The following PAPPA2 variants were observed in gnomAD, a reference collection of about 807,000 sequenced individuals.
PAPPA2 encodes pappalysin-2.
In PAPPA2, 86 loss-of-function variants were observed where a neutral mutation model predicts 176.4. The ratio of observed to expected loss-of-function variants is 0.49; its 90% CI spans 0.41 to 0.58. The LOEUF (loss-of-function observed/expected upper bound fraction) is 0.58. Ranked by LOEUF, PAPPA2 falls within the 20% of genes least tolerant of loss-of-function variation. The pLI is 0.00. For missense variants in PAPPA2, 2,073 were observed against 2,256.9 expected (o/e 0.92, Z 1.65); for synonymous variants, 809 against 852.2 (o/e 0.95, Z 0.88).
intron 3 of PAPPA2, among the ~76,000 whole-genome samples, chr1:176,604,433 A>C (rs1180271078): frequency 6.6e-6 from 1 of 152,268 alleles, no homozygotes; most frequent in Non-Finnish European, 1.5e-5. Context: ...TGTTAAAAAA[A>C]GGAATGTTCT....
intron 2 of PAPPA2, among the ~76,000 whole-genome samples, chr1:176,579,928 A>G (rs1337091465): frequency 1.3e-5 from 2 of 152,344 alleles, no homozygotes; most frequent in East Asian, 3.9e-4. Context: ...TAATAATTGT[A>G]TATATTTATG....
At chr1:176,516,572 G>T (rs1326542553) in intron 1 of PAPPA2, among the ~76,000 whole-genome samples, 3 of 152,048 alleles carry the variant, frequency 2.0e-5, no homozygotes, top group Non-Finnish European at 4.4e-5. Context: ...TGATATCAGT[G>T]CCCTTATAAA....
intron 2 of PAPPA2, among the ~76,000 whole-genome samples, chr1:176,592,791 A>G (rs1653742609): frequency 6.6e-6 from 1 of 152,222 alleles, no homozygotes; most frequent in African/African-American, 2.4e-5. Flanking sequence ...CTGATATTCA[A>G]TATTGCAGCC....
At chr1:176,679,753 T>C (rs1161433327) in intron 4 of PAPPA2, among the ~76,000 whole-genome samples, 2 of 151,996 alleles carry the variant, frequency 1.3e-5, no homozygotes, top group Non-Finnish European at 2.9e-5. Flanking sequence ...GTGGGAAAGG[T>C]ATTGAGCAAA....
chr1:176,778,424 G>A (rs1179595523), intron 17 of PAPPA2, among the ~76,000 whole-genome samples: 3 of 152,158 alleles, frequency 2.0e-5, no homozygotes, highest in East Asian at 1.9e-4. Flanking sequence ...ATGTCCTGGA[G>A]ACATTACCCA....
At chr1:176,685,164 C>T (rs745402817) in intron 4 of PAPPA2, among the ~76,000 whole-genome samples, 2 of 151,942 alleles carry the variant, frequency 1.3e-5, no homozygotes, top group African/African-American at 2.4e-5. Context: ...TGCCAGACTG[C>T]ACATAGAATA....
At chr1:176,520,143 G>T (rs1481882817) in intron 1 of PAPPA2, among the ~76,000 whole-genome samples, 4 of 152,178 alleles carry the variant, frequency 2.6e-5, no homozygotes, top group Non-Finnish European at 5.9e-5. Context: ...AAGGAACAAA[G>T]TGGGAATAAG....
At chr1:176,744,283 T>C (rs2102878991) in intron 14 of PAPPA2, among the ~76,000 whole-genome samples, 1 of 152,316 alleles carries the variant, frequency 6.6e-6, no homozygotes, top group East Asian at 1.9e-4. Context: ...TTGTTTGTAT[T>C]TGTTTGATAA....
chr1:176,757,760 A>G (rs1663497076), intron 14 of PAPPA2, among the ~76,000 whole-genome samples: 1 of 152,106 alleles, frequency 6.6e-6, no homozygotes, highest in South Asian at 2.1e-4. Flanking sequence ...TTGGTGTTTT[A>G]GTCATGAAGT....
intron 1 of PAPPA2, among the ~76,000 whole-genome samples, chr1:176,464,959 T>A (rs914669194): frequency 6.6e-6 from 1 of 152,210 alleles, no homozygotes; most frequent in Non-Finnish European, 1.5e-5. Context: ...TCACTTTGAA[T>A]TATTCATATT....
At position 176,760,450 on chromosome 1, in the gene PAPPA2, A is replaced by T. The variant is rs529886373; in HGVS notation, c.4152-5216A>T. On this transcript the variant is annotated intron_variant, in intron 14 of 22. Transcript: ENST00000367662. ...ATGGGGTGGAGCTTTACTCCTAGTG[A>T]GTATCAACACTTTGAAACTTATAAA... is the stretch of plus-strand genomic sequence containing the variant. 2.6e-5 allele frequency among the ~76,000 whole-genome samples: 4 copies of T among 152,304 alleles called. No homozygotes were observed. The East Asian group carries it at 7.7e-4, about 29-fold the overall frequency.
chr1:176,830,782 T>C (rs182597509), intron 21 of PAPPA2, among the ~76,000 whole-genome samples: 1 of 152,282 alleles, frequency 6.6e-6, no homozygotes, highest in Admixed American at 6.5e-5. Context: ...CATTATTAAT[T>C]CTTGTAGGAG....
In PAPPA2 at chr1:176,517,799, C is replaced by G. The variant is rs1390093108; in HGVS notation, c.-916-37608C>G. 2.6e-5 allele frequency among the ~76,000 whole-genome samples: 4 copies of G among 152,138 alleles called. No individual in the cohort carries two copies. In the East Asian group the frequency reaches 7.7e-4, roughly 29 times the overall value. On this transcript the variant is annotated intron_variant, in intron 1 of 22. Coordinates refer to ENST00000367662, the MANE Select transcript of PAPPA2 (RefSeq NM_020318.3). ...TCACATGAAGACAGCATTTAAAGGT[C>G]GAAGGGTGACTGGCCACCTTCGACA...
chr1:176,795,984 GA>G (rs1231206328), intron 20 of PAPPA2, among the ~76,000 whole-genome samples: 1 of 152,154 alleles, frequency 6.6e-6, no homozygotes, highest in Non-Finnish European at 1.5e-5. Context: ...GGAGAAGGAG[GA>G]AGAAAACGAG....
chr1:176,730,653 T>G (rs1297980863), intron 12 of PAPPA2, among the ~76,000 whole-genome samples: 1 of 151,824 alleles, frequency 6.6e-6, no homozygotes, highest in Non-Finnish European at 1.5e-5. Flanking sequence ...TTTCCTGGCT[T>G]TTTGTTTGTC....
At chr1:176,662,105 G>A (rs1177865488) in intron 3 of PAPPA2, among the ~76,000 whole-genome samples, 1 of 152,122 alleles carries the variant, frequency 6.6e-6, no homozygotes, top group South Asian at 2.1e-4. Flanking sequence ...TAAGGGAAAC[G>A]AATTTAAGGC....
intron 3 of PAPPA2, among the ~76,000 whole-genome samples, chr1:176,605,805 C>G (rs1346942004): frequency 3.9e-5 from 6 of 152,188 alleles, no homozygotes; most frequent in Non-Finnish European, 7.3e-5. Flanking sequence ...GCAAATCTCT[C>G]TCAGCTGATG....
intron 17 of PAPPA2, among the ~76,000 whole-genome samples, chr1:176,777,895 C>G (rs1664530863): frequency 6.6e-6 from 1 of 152,020 alleles, no homozygotes; most frequent in East Asian, 1.9e-4. Context: ...ATGGCTCTTA[C>G]AAAATAACTG....
rs1165325960 is a variant in PAPPA2 at position 176,845,216 on chromosome 1, A to T, written c.*2762A>T. Reference sequence around the variant, plus strand: ...TGGTCATTGAGAGCCTTTCTCAGAGACTCTTCTGTGTGTTTGATTGTGCCC... The same window carrying T: ...TGGTCATTGAGAGCCTTTCTCAGAGTCTCTTCTGTGTGTTTGATTGTGCCC... On this transcript the variant is annotated 3_prime_UTR_variant, in exon 23 of 23. Coordinates refer to ENST00000367662, the MANE Select transcript of PAPPA2 (RefSeq NM_020318.3). 5.3e-5 allele frequency: 8 copies of T among 151,938 alleles called. No individual in the cohort carries two copies. The highest frequency in any genetic ancestry group is 5.2e-4 in the Admixed American group (8 of 15,254). The allele number at this position is 151,938 out of a possible 1,614,324, so 9.4% of individuals were successfully genotyped here.
Sources: gnomAD v4.1 joint callset for allele counts (sites outside exome capture counted in the v4.1 genomes callset) on GRCh38, gnomAD v4.1.1 for gene constraint, MANE v1.5 for transcripts, NCBI Gene and HGNC (gene_info 2026-07-23, HGNC 2026-07-21) for gene names.